Variants in RAD51C observed in about 807,000 individuals in gnomAD.
RAD51C encodes the protein RAD51 paralog C.
A neutral mutation model predicts 45.0 loss-of-function variants in RAD51C; 42 were observed. The observed-to-expected ratio is 0.93, with a 90% CI of 0.73 to 1.21. The LOEUF is 1.21. Ranked by LOEUF, RAD51C falls within the 50% of genes most tolerant of loss-of-function variation. The probability of loss-of-function intolerance (pLI) is 0.00; values close to 1 mark genes in which losing one functional copy is unlikely to be tolerated. For missense variants in RAD51C, 474 were observed against 452.2 expected, an observed-to-expected ratio of 1.05 and a Z score of -0.44; for synonymous variants, 172 against 159.8, an observed-to-expected ratio of 1.08 and a Z score of -0.58.
rs2048088022 is a variant in RAD51C, at chr17:58,698,210, TCTCA to T, written c.571+1355_571+1358del. On this transcript the variant is annotated intron_variant, in intron 3 of 8. Coordinates refer to ENST00000337432, the MANE Select transcript of RAD51C (RefSeq NM_058216.3). ...TTTTTTTTTTTTTTTTGAGACAGGGTCTCACTCTGTCGCCCAGGCTAGAGTGTAA... is the reference window on the plus strand; with the variant it reads ...TTTTTTTTTTTTTTTTGAGACAGGGTCTCTGTCGCCCAGGCTAGAGTGTAA... 2.8e-5 allele frequency among the ~76,000 whole-genome samples: 4 copies of T among 141,888 alleles called. No individual in the cohort carries two copies. The Admixed American group carries it at 2.9e-4, about 10-fold the overall frequency. The allele number at this position is 141,888 out of a possible 152,430, so 93.1% of individuals were successfully genotyped here.
Position 58,710,409 on chromosome 17 carries a change from A to G in RAD51C, c.837+419A>G, listed in dbSNP as rs191744601. ...CCTACTCGGGAGGCTGAGGTAGGAG[A>G]ATCACTTGAACCCAGGAGGCGGAGG... On this transcript the variant is annotated intron_variant, in intron 5 of 8. Transcript: ENST00000337432. 4.6e-3 allele frequency among the ~76,000 whole-genome samples: 689 copies of G among 150,404 alleles called. 26 individuals are homozygous for G. The highest frequency in any genetic ancestry group is 0.04 in the Admixed American group (602 of 14,970).
chr17:58,731,218 A>G (rs939210696), intron 7 of RAD51C, among the ~76,000 whole-genome samples: 1 of 151,628 alleles, frequency 6.6e-6, no homozygotes, highest in Admixed American at 6.6e-5. Flanking sequence ...TATTGTGAAT[A>G]AGTTACAGTG....
At chr17:58,727,252 G>A (rs1352075036) in intron 7 of RAD51C, among the ~76,000 whole-genome samples, 1 of 151,806 alleles carries the variant, frequency 6.6e-6, no homozygotes, top group Non-Finnish European at 1.5e-5. Context: ...AGCCTGCCGA[G>A]TAGCTGGGAT....
rs746122031 is a variant in RAD51C, at chr17:58,695,121, G to A, written c.336G>A (p.Gly112=). 71 of 1,613,928 alleles carry A rather than the reference G, an allele frequency of 4.4e-5. No homozygotes were observed. The highest frequency in any genetic ancestry group is 5.8e-5 in the Non-Finnish European group (68 of 1,180,000). The change falls in exon 2 of 9, where the codon GGG becomes GGA. Residue 112 remains glycine, a synonymous_variant. Transcript: ENST00000337432. ...TFCSALDDIL[G]GGVPLMKTTE... ...GTTCAGCACTAGATGATATTCTTGG[G>A]GGTGGAGTGCCCTTAATGAAAACAA...
At chr17:58,710,338 A>C (rs1055679598) in intron 5 of RAD51C, among the ~76,000 whole-genome samples, 2 of 150,588 alleles carry the variant, frequency 1.3e-5, no homozygotes, top group Non-Finnish European at 3.0e-5. Flanking sequence ...AAAAAAAAAA[A>C]AAACCAAAAA....
At position 58,695,167 on chromosome 17, in the gene RAD51C, G is replaced by C. The variant is rs879254160; in HGVS notation, c.382G>C (p.Gly128Arg). ...AACAACAGAAATTTGTGGTGCACCA[G>C]GTGTTGGAAAAACACAATTATGGTA... ...MKTTEICGAP[G>R]VGKTQLCMQL... The change falls in exon 2 of 9, where the codon GGT (glycine) becomes CGT (arginine). Residue 128 changes from glycine to arginine, a missense_variant. Gly to Arg is a moderately radical substitution (Grantham distance 125). Coordinates refer to ENST00000337432, the MANE Select transcript of RAD51C (RefSeq NM_058216.3). 2 of 1,612,206 alleles carry C rather than the reference G, an allele frequency of 1.2e-6. No homozygotes were observed. Among genetic ancestry groups the C allele is most frequent in the Middle Eastern group, 1.7e-4 (1 of 6,056 alleles).
Position 58,692,606 on chromosome 17 carries a change from G to A in RAD51C, c.-38G>A, listed in dbSNP as rs750074739. 6 of 1,612,664 alleles carry A rather than the reference G, an allele frequency of 3.7e-6. No homozygotes were observed. The highest frequency in any genetic ancestry group is 2.2e-5 in the South Asian group (2 of 90,906). ...GCCGCACGCCCCAGCGAGGGCGTGC[G>A]GAGTTTGGCTGCTCCGGGGTTAGCA... On this transcript the variant is annotated 5_prime_UTR_variant, in exon 1 of 9. Transcript: ENST00000337432.
intron 7 of RAD51C, among the ~76,000 whole-genome samples, chr17:58,730,229 A>T (rs1245233694): frequency 6.8e-6 from 1 of 146,754 alleles, no homozygotes; most frequent in African/African-American, 2.5e-5. Flanking sequence ...CAGAGGCACG[A>T]TCTCGGCTCA....
chr17:58,709,672 T>C, intron 4 of RAD51C, 187 bp from the exon 5 acceptor site: 1 of 535,566 alleles, frequency 1.9e-6, no homozygotes. Flanking sequence ...ATTTAGCAAG[T>C]ATTAATTGAC....
intron 3 of RAD51C, 97 bp from the exon 4 acceptor site, chr17:58,703,099 C>T (rs950513764): frequency 7.3e-7 from 1 of 1,365,350 alleles, no homozygotes; most frequent in Non-Finnish European, 1.0e-6. Context: ...TTTTGTTATC[C>T]AAAGGAGAAC....
At chr17:58,712,167 T>C (rs981665824) in intron 5 of RAD51C, among the ~76,000 whole-genome samples, 2 of 151,608 alleles carry the variant, frequency 1.3e-5, no homozygotes, top group African/African-American at 4.8e-5. Flanking sequence ...ACCAACATGG[T>C]GAAACCCCAT....
Position 58,695,034 on chromosome 17 carries a change from G to C in RAD51C, c.249G>C (p.Lys83Asn), listed in dbSNP as rs145387081. 1.2e-6 allele frequency: 2 copies of C among 1,614,064 alleles called. No homozygotes were observed. Among genetic ancestry groups the C allele is most frequent in the Non-Finnish European group, 1.7e-6 (2 of 1,179,982 alleles). ...ATGCTGGTACATCTGAGTCACACAA[G>C]AAGTGTACAGCACTGGAACTTCTTG... ...PRYAGTSESH[K>N]KCTALELLEQ... Residue 83 changes from lysine (K) to asparagine (N), a missense_variant, in exon 2 of 9, where the codon AAG becomes AAC. Coordinates refer to ENST00000337432, the MANE Select transcript of RAD51C (RefSeq NM_058216.3).
chr17:58,721,877 C>T (rs1185867565), intron 6 of RAD51C, among the ~76,000 whole-genome samples: 1 of 151,914 alleles, frequency 6.6e-6, no homozygotes, highest in African/African-American at 2.4e-5. Context: ...GTACAAAGGA[C>T]GGATTCTAAC....
intron 5 of RAD51C, among the ~76,000 whole-genome samples, chr17:58,712,464 ATAT>A (rs1280149068): frequency 6.6e-6 from 1 of 152,164 alleles, no homozygotes; most frequent in Non-Finnish European, 1.5e-5. Context: ...GATTGTGTAA[ATAT>A]TGTTGTCTGG....
intron 3 of RAD51C, among the ~76,000 whole-genome samples, chr17:58,698,592 G>A (rs2048102874): frequency 6.6e-6 from 1 of 151,370 alleles, no homozygotes; most frequent in Non-Finnish European, 1.5e-5. Context: ...GCCTCCCAAA[G>A]TGCTGGGATT....
At chr17:58,697,188 T>C (rs1360445409) in intron 3 of RAD51C, among the ~76,000 whole-genome samples, 2 of 152,204 alleles carry the variant, frequency 1.3e-5, no homozygotes, top group Admixed American at 1.3e-4. Flanking sequence ...TGTTAAATGC[T>C]TTCCAATGTA....
Position 58,734,359 on chromosome 17 carries a change from A to G in RAD51C, c.*137A>G. 7.1e-7 allele frequency: 1 copy of G among 1,409,028 alleles called. No individual in the cohort carries two copies. Among genetic ancestry groups the G allele is most frequent in the Non-Finnish European group, 9.6e-7 (1 of 1,043,732 alleles). 87.3% of individuals were successfully genotyped at this position (1,409,028 alleles called of 1,614,324 possible). On this transcript the variant is annotated 3_prime_UTR_variant, in exon 9 of 9. Transcript: ENST00000337432. ...CAGATCATATGAAGTGAATGGGAAA[A>G]ATACCTAAATATGATTCTGTGAAAG...
In RAD51C at chr17:58,734,343, T is replaced by A; in HGVS notation, c.*121T>A. ...ATGGCATGAATGAATCCAGATCATA[T>A]GAAGTGAATGGGAAAAATACCTAAA... is the stretch of plus-strand genomic sequence containing the variant. On this transcript the variant is annotated 3_prime_UTR_variant, in exon 9 of 9. Transcript: ENST00000337432. The A allele has an allele frequency of 6.7e-7, 1 of 1,486,092 alleles. No individual in the cohort carries two copies. The highest frequency in any genetic ancestry group is 2.5e-5 in the East Asian group (1 of 40,380). 92.1% of individuals were successfully genotyped at this position (1,486,092 alleles called of 1,614,324 possible). A position where few individuals can be genotyped will look rare whatever the true frequency, so the allele number is the denominator to read the frequency against.
chr17:58,722,236 GC>G (rs1567809234), intron 6 of RAD51C, among the ~76,000 whole-genome samples: 1 of 152,120 alleles, frequency 6.6e-6, no homozygotes, highest in African/African-American at 2.4e-5. Flanking sequence ...GGAAATGGAT[GC>G]CCTCAGGAAT....
Sources: gnomAD v4.1 joint callset for allele counts (sites outside exome capture counted in the v4.1 genomes callset) on GRCh38, gnomAD v4.1.1 for gene constraint, MANE v1.5 for transcripts, NCBI Gene and HGNC (gene_info 2026-07-23, HGNC 2026-07-21) for gene names.